Variants in HACE1 observed in about 807,000 individuals in gnomAD.
HACE1 encodes the protein HECT domain and ankyrin repeat containing E3 ubiquitin protein ligase 1, also known as E3 ubiquitin-protein ligase HACE1.
HACE1 carries 73 observed loss-of-function variants against 118.4 expected under a neutral mutation model. The ratio of observed to expected loss-of-function variants is 0.62; its 90% CI spans 0.51 to 0.75. The LOEUF (loss-of-function observed/expected upper bound fraction) is 0.75, where lower values mean the gene tolerates loss of function less well. HACE1 is among the 30% of genes least tolerant of loss of function. The pLI, the probability that HACE1 is intolerant of heterozygous loss-of-function variation, is 0.00. For synonymous variants in HACE1, 368 were observed against 374.8 expected, an observed-to-expected ratio of 0.98 and a Z score of 0.21; for missense variants, 749 against 1,102.2, an observed-to-expected ratio of 0.68 and a Z score of 4.54.
chr6:104,786,523 G>A (rs1443805448), intron 11 of HACE1: 1 of 149,256 alleles, frequency 6.7e-6, no homozygotes, highest in Admixed American at 6.7e-5. Flanking sequence ...AGGATTGCTT[G>A]AGTCTCGGAA....
At chr6:104,824,119 A>G (rs1254570773) in intron 6 of HACE1, among the ~76,000 whole-genome samples, 1 of 152,188 alleles carries the variant, frequency 6.6e-6, no homozygotes, top group Non-Finnish European at 1.5e-5. Flanking sequence ...GGCTGTTTCT[A>G]CTGAGCCTTG....
At position 104,852,228 on chromosome 6, in the gene HACE1, T is replaced by TGTGTGTGTGTGTGTGC. The variant is rs142463116; in HGVS notation, c.131+88_131+89insGCACACACACACACAC. The TGTGTGTGTGTGTGTGC allele has an allele frequency of 7.4e-5, 49 of 661,268 alleles. No individual in the cohort carries two copies. The African/African-American group carries it at 9.8e-4, about 13-fold the overall frequency. The allele number at this position is 661,268 out of a possible 1,614,324, so 41.0% of individuals were successfully genotyped here. Reference sequence around the variant, plus strand: ...GTGTGTGTGTGTGTGTGTGTGTGTGTGCGCGCGTGCGCGTGCACGGGCATG... The same window carrying TGTGTGTGTGTGTGTGC: ...GTGTGTGTGTGTGTGTGTGTGTGTGTGTGTGTGTGTGTGTGCGCGCGCGTGCGCGTGCACGGGCATG... On this transcript the variant is annotated intron_variant, in intron 2 of 23. Transcript: ENST00000262903.
Position 104,772,682 on chromosome 6 carries a change from T to C in HACE1, c.1865-608A>G, listed in dbSNP as rs554132215. 2.4e-4 allele frequency among the ~76,000 whole-genome samples: 37 copies of C among 152,248 alleles called. 1 individual carries two copies. Among genetic ancestry groups the C allele is most frequent in the South Asian group, 1.7e-3 (8 of 4,824 alleles). ...ACCAAGTCTTTCTAATGGCAAACAATTAAGTTTAAACAATTACCTCTGAGG... is the reference window on the plus strand; with the variant it reads ...ACCAAGTCTTTCTAATGGCAAACAACTAAGTTTAAACAATTACCTCTGAGG... On this transcript the variant is annotated intron_variant, in intron 17 of 23. Transcript: ENST00000262903.
chr6:104,857,503 A>C (rs1424448562), intron 1 of HACE1, among the ~76,000 whole-genome samples: 1 of 151,976 alleles, frequency 6.6e-6, no homozygotes, highest in Non-Finnish European at 1.5e-5. Context: ...TCTTCTTGTA[A>C]GAATTAACCC....
Position 104,833,034 on chromosome 6 carries a change from C to A in HACE1, c.534+8G>T. Reference sequence around the variant, plus strand: ...CATGCAGCTTAAAGTCCTCATGGCTCAACTTACCGTCTTGTGACCGTTCTG... The same window carrying A: ...CATGCAGCTTAAAGTCCTCATGGCTAAACTTACCGTCTTGTGACCGTTCTG... On this transcript the variant is annotated splice_region_variant and intron_variant, in intron 6 of 23. Coordinates refer to ENST00000262903, the MANE Select transcript of HACE1 (RefSeq NM_020771.4). 1 of 1,612,784 alleles carries A rather than the reference C, an allele frequency of 6.2e-7. No individual in the cohort carries two copies. Among genetic ancestry groups the A allele is most frequent in the Admixed American group, 1.7e-5 (1 of 60,020 alleles).
chr6:104,754,028 G>A lies in HACE1; in HGVS notation c.2212-3556C>T, dbSNP rs562387082. On this transcript the variant is annotated intron_variant, in intron 19 of 23. Transcript: ENST00000262903. ...ATCACAATAAAACAATACAGGAGCT[G>A]ACAGCCACAACAGTCAGTTTAGAGA... Among the ~76,000 whole-genome samples the A allele has an allele frequency of 3.3e-5, 5 of 152,274 alleles. No individual in the cohort carries two copies. In the South Asian group the frequency reaches 8.3e-4, roughly 25 times the overall value.
Position 104,765,198 on chromosome 6 carries a change from A to G in HACE1, c.2211+5995T>C, listed in dbSNP as rs540380644. Among the ~76,000 whole-genome samples the G allele has an allele frequency of 2.0e-5, 3 of 152,332 alleles. No individual in the cohort carries two copies. The South Asian group carries it at 6.2e-4, about 32-fold the overall frequency. ...TGAGCAGAGCAGTTGTTAGGGAATA[A>G]CAAAGTCTTGCAGTCACCATGCAGT... On this transcript the variant is annotated intron_variant, in intron 19 of 23. Transcript: ENST00000262903.
At chr6:104,847,107 C>T (rs1168703680) in intron 4 of HACE1, among the ~76,000 whole-genome samples, 1 of 152,130 alleles carries the variant, frequency 6.6e-6, no homozygotes, top group South Asian at 2.1e-4. Context: ...TTCTAAAAAA[C>T]GGTACATGAA....
At chr6:104,840,881 T>C (rs1335719375) in intron 5 of HACE1, among the ~76,000 whole-genome samples, 1 of 152,184 alleles carries the variant, frequency 6.6e-6, no homozygotes, top group Non-Finnish European at 1.5e-5. Context: ...GAGAATTGCT[T>C]GAACCCGGTA....
chr6:104,824,073 T>C (rs961739808), intron 6 of HACE1, among the ~76,000 whole-genome samples: 1 of 152,226 alleles, frequency 6.6e-6, no homozygotes, highest in Non-Finnish European at 1.5e-5. Context: ...GGACAGAGGC[T>C]GTTAACACTT....
intron 12 of HACE1, among the ~76,000 whole-genome samples, chr6:104,784,701 CT>C (rs1292805219): frequency 1.3e-5 from 2 of 152,056 alleles, no homozygotes; most frequent in Non-Finnish European, 2.9e-5. Context: ...CAACAAGTGA[CT>C]TTTTAAAAAT....
chr6:104,804,699 A>T (rs1333486603), intron 7 of HACE1, among the ~76,000 whole-genome samples: 4 of 152,208 alleles, frequency 2.6e-5, no homozygotes, highest in African/African-American at 9.7e-5. Flanking sequence ...CCTTATACAA[A>T]AATTAATTCA....
intron 6 of HACE1, among the ~76,000 whole-genome samples, chr6:104,813,919 T>C (rs1468133140): frequency 7.3e-6 from 1 of 137,238 alleles, no homozygotes; most frequent in Non-Finnish European, 1.6e-5. Flanking sequence ...AATTATACCA[T>C]GGAATGATAA....
At chr6:104,764,647 T>TA (rs777202394) in intron 19 of HACE1, among the ~76,000 whole-genome samples, 4 of 152,154 alleles carry the variant, frequency 2.6e-5, no homozygotes, top group Non-Finnish European at 5.9e-5. Context: ...TCATCACTAT[T>TA]ATCACCATCA....
chr6:104,859,132 A>T (rs1777041822), intron 1 of HACE1, among the ~76,000 whole-genome samples: 1 of 152,192 alleles, frequency 6.6e-6, no homozygotes, highest in African/African-American at 2.4e-5. Flanking sequence ...AAAAAATAAC[A>T]AAAATAAAAG....
chr6:104,795,386 T>C (rs1219593737), intron 10 of HACE1, among the ~76,000 whole-genome samples, 193 bp downstream of exon 10: 1 of 152,288 alleles, frequency 6.6e-6, no homozygotes. Context: ...ATTTTTAGTC[T>C]CTTTAGAGAG....
intron 22 of HACE1, chr6:104,732,327 C>T (rs929333493): frequency 6.6e-6 from 1 of 152,080 alleles, no homozygotes; most frequent in African/African-American, 2.4e-5. Flanking sequence ...CAACAGATGG[C>T]TGGATTATTA....
intron 5 of HACE1, among the ~76,000 whole-genome samples, chr6:104,838,178 G>A (rs1191010635): frequency 6.6e-6 from 1 of 152,098 alleles, no homozygotes; most frequent in African/African-American, 2.4e-5. Context: ...AAATACCAAT[G>A]ACATTCTTCA....
At chr6:104,771,628 A>G (rs990054089) in intron 18 of HACE1, among the ~76,000 whole-genome samples, 20 of 151,860 alleles carry the variant, frequency 1.3e-4, no homozygotes, top group African/African-American at 4.8e-4. Flanking sequence ...GTTATTATAA[A>G]CTTCAAAAAT....
Sources: gnomAD v4.1 joint callset for allele counts (sites outside exome capture counted in the v4.1 genomes callset) on GRCh38, gnomAD v4.1.1 for gene constraint, MANE v1.5 for transcripts, NCBI Gene and HGNC (gene_info 2026-07-23, HGNC 2026-07-21) for gene names.